WDR82: variants seen among roughly 807,000 people sequenced by gnomAD.
WDR82 encodes the protein WD repeat-containing protein 82.
WDR82 carries 8 observed loss-of-function variants against 36.1 expected under a neutral mutation model. The observed-to-expected ratio is 0.22, with a 90% CI of 0.13 to 0.40. The LOEUF (loss-of-function observed/expected upper bound fraction) is 0.40. Among genes scored for constraint, WDR82 ranks in the 10% least tolerant of loss-of-function variants. The probability of loss-of-function intolerance (pLI) is 1.00; values close to 1 mark genes in which losing one functional copy is unlikely to be tolerated. For missense variants in WDR82, 185 were observed against 400.5 expected (o/e 0.46, Z 4.59); for synonymous variants, 129 against 137.8 (o/e 0.94, Z 0.45).
At chr3:52,262,652 T>C (rs558563692) in intron 3 of WDR82, among the ~76,000 whole-genome samples, 5 of 152,360 alleles carry the variant, frequency 3.3e-5, no homozygotes, top group African/African-American at 1.2e-4. Context: ...CACAAGCCTA[T>C]GCTAACAGCA....
intron 3 of WDR82, among the ~76,000 whole-genome samples, chr3:52,266,388 A>T (rs1236516217): frequency 6.6e-6 from 1 of 152,176 alleles, no homozygotes; most frequent in East Asian, 1.9e-4. Context: ...TAAAACTAGA[A>T]ATATATATAT....
In WDR82 at chr3:52,259,842, C is replaced by T; in HGVS notation, c.574G>A (p.Asp192Asn). 1.2e-6 allele frequency: 2 copies of T among 1,613,916 alleles called. No individual in the cohort carries two copies. The highest frequency in any genetic ancestry group is 2.2e-5 in the East Asian group (1 of 44,878). Residue 192 changes from aspartate to asparagine, a missense_variant, in exon 6 of 9, where the codon GAT (aspartate) becomes AAT (asparagine). Physicochemically the swap from Asp to Asn is conservative, Grantham distance 23. Transcript: ENST00000296490. ...AGTCCTGTCCACTCACAAGTTCGAT[C>T]ATACTGCATCTTAAAGGTAGCAAAT... Reference protein sequence around the residue: ...GPFATFKMQYDRTCEWTGLKF... With the variant: ...GPFATFKMQYNRTCEWTGLKF...
intron 1 of WDR82, among the ~76,000 whole-genome samples, chr3:52,271,410 T>C (rs1266433266): frequency 2.6e-5 from 4 of 152,170 alleles, no homozygotes; most frequent in Non-Finnish European, 5.9e-5. Flanking sequence ...TCTATGATGC[T>C]GCTGCAACAA....
intron 3 of WDR82, among the ~76,000 whole-genome samples, chr3:52,264,078 G>A (rs1009496579): frequency 1.3e-5 from 2 of 152,132 alleles, no homozygotes; most frequent in African/African-American, 4.8e-5. Flanking sequence ...CAGGAGAATC[G>A]TTTGAACTCA....
chr3:52,277,604 G>A (rs1019274826), intron 1 of WDR82, among the ~76,000 whole-genome samples: 5 of 152,318 alleles, frequency 3.3e-5, no homozygotes, highest in Admixed American at 2.0e-4. Flanking sequence ...TAAGAGAAAG[G>A]CTAGGAGCAG....
At chr3:52,268,134 C>T (rs1578008946) in intron 2 of WDR82, 7 of 291,386 alleles carry the variant, frequency 2.4e-5, no homozygotes, top group Non-Finnish European at 4.4e-5. Flanking sequence ...ATGACAACTA[C>T]GAAGTATTTC....
At chr3:52,269,286 C>A (rs1351554464) in intron 2 of WDR82, among the ~76,000 whole-genome samples, 1 of 151,786 alleles carries the variant, frequency 6.6e-6, no homozygotes, top group Admixed American at 6.6e-5. Context: ...ACCAGCCTGA[C>A]TAACATGGTG....
At chr3:52,258,266 G>A (rs1449169332) in intron 8 of WDR82, among the ~76,000 whole-genome samples, 3 of 152,174 alleles carry the variant, frequency 2.0e-5, no homozygotes, top group African/African-American at 7.2e-5. Flanking sequence ...CCTAAAATTA[G>A]GGTCCAGAGC....
At chr3:52,272,044 C>T (rs570868864) in intron 1 of WDR82, among the ~76,000 whole-genome samples, 3 of 152,054 alleles carry the variant, frequency 2.0e-5, no homozygotes, top group African/African-American at 4.8e-5. Context: ...AAGCCAAGAT[C>T]GTGCCACTGC....
At chr3:52,274,094 C>A (rs1396356056) in intron 1 of WDR82, among the ~76,000 whole-genome samples, 1 of 152,204 alleles carries the variant, frequency 6.6e-6, no homozygotes. Context: ...GAGTAATTTG[C>A]TTCACCTACC....
rs371012422 is a variant in WDR82 at position 52,260,690 on chromosome 3, C to CA, written c.427-190dup. On this transcript the variant is annotated intron_variant, in intron 4 of 8. Transcript: ENST00000296490. ...TATCAGCCTACCTACAGAACACACA[C>CA]AAAAAAAACATAAAACTAAAATGAA... Among the ~76,000 whole-genome samples, 18 of 151,842 alleles carry CA rather than the reference C, an allele frequency of 1.2e-4. 1 individual carries two copies. The highest frequency in any genetic ancestry group is 3.4e-3 in the Middle Eastern group (1 of 292).
chr3:52,260,625 T>G, intron 4 of WDR82, 124 bp from the exon 5 acceptor site: 3 of 524,760 alleles, frequency 5.7e-6, no homozygotes, highest in Non-Finnish European at 9.7e-6. Context: ...CTATATAATT[T>G]ACTTTTCCCA....
chr3:52,258,411 GAA>G, intron 8 of WDR82, 123 bp downstream of exon 8: 1 of 1,144,928 alleles, frequency 8.7e-7, no homozygotes, highest in South Asian at 1.4e-5. Flanking sequence ...CACCAGTTGA[GAA>G]ACATGTACTT....
chr3:52,263,825 G>C (rs1326148412), intron 3 of WDR82, among the ~76,000 whole-genome samples: 2 of 152,228 alleles, frequency 1.3e-5, no homozygotes, highest in African/African-American at 2.4e-5. Flanking sequence ...CTGAGTATTA[G>C]AAAGAGTATT....
At chr3:52,275,590 G>A (rs1274099770) in intron 1 of WDR82, among the ~76,000 whole-genome samples, 8 of 152,050 alleles carry the variant, frequency 5.3e-5, no homozygotes, top group African/African-American at 1.9e-4. Context: ...TTTGTGCTTA[G>A]AAAATCCACG....
At chr3:52,263,432 G>A (rs1051393244) in intron 3 of WDR82, among the ~76,000 whole-genome samples, 3 of 152,218 alleles carry the variant, frequency 2.0e-5, no homozygotes, top group Non-Finnish European at 4.4e-5. Context: ...AGAAGGGACA[G>A]AACCTGACTA....
chr3:52,268,046 A>G (rs1039117527), intron 2 of WDR82: 1 of 228,766 alleles, frequency 4.4e-6, no homozygotes, highest in Non-Finnish European at 9.1e-6. Context: ...GAGGGGGAAT[A>G]GGGGAATAGG....
intron 3 of WDR82, among the ~76,000 whole-genome samples, chr3:52,266,322 A>G (rs1385610964): frequency 2.0e-5 from 3 of 152,120 alleles, no homozygotes; most frequent in East Asian, 1.9e-4. Context: ...TTTTTACTAC[A>G]TAAGTTTTCA....
At chr3:52,266,433 A>AAT (rs1700107013) in intron 3 of WDR82, among the ~76,000 whole-genome samples, 1 of 152,036 alleles carries the variant, frequency 6.6e-6, no homozygotes, top group African/African-American at 2.4e-5. Context: ...AACTAGAAAA[A>AAT]ATATATATAC....
Sources: gnomAD v4.1 joint callset for allele counts (sites outside exome capture counted in the v4.1 genomes callset) on GRCh38, gnomAD v4.1.1 for gene constraint, MANE v1.5 for transcripts, NCBI Gene and HGNC (gene_info 2026-07-23, HGNC 2026-07-21) for gene names.